Variants in ANKRD26 observed in about 807,000 individuals in gnomAD.
The protein encoded by ANKRD26 is ankyrin repeat domain 26.
A neutral mutation model predicts 208.7 loss-of-function variants in ANKRD26; 141 were observed. The observed-to-expected ratio is 0.68, with a 90% CI of 0.59 to 0.78. ANKRD26 has a LOEUF of 0.78. ANKRD26 is among the 30% of genes least tolerant of loss of function. ANKRD26 has a pLI of 0.00. For missense variants in ANKRD26, 1,889 were observed against 1,938.7 expected (o/e 0.97, Z 0.48); for synonymous variants, 636 against 660.4 (o/e 0.96, Z 0.57).
intron 25 of ANKRD26, among the ~76,000 whole-genome samples, chr10:27,032,927 T>C (rs988827738): frequency 6.6e-6 from 1 of 151,248 alleles, no homozygotes; most frequent in African/African-American, 2.4e-5. Context: ...CACAAAAAAT[T>C]AGCCAGGTGT....
chr10:26,995,333 C>T (rs2052567353), intron 4 of ANKRD26, among the ~76,000 whole-genome samples: 1 of 152,170 alleles, frequency 6.6e-6, no homozygotes, highest in Non-Finnish European at 1.5e-5. Flanking sequence ...CTTCAACAGA[C>T]TTGTATAGAA....
Position 27,066,479 on chromosome 10 carries a change from G to C in ANKRD26, c.1269+8C>G, listed in dbSNP as rs1189903524. On this transcript the variant is annotated splice_region_variant and intron_variant, in intron 11 of 33. Coordinates refer to ENST00000376087, the MANE Select transcript of ANKRD26 (RefSeq NM_014915.3). ...TTTTAAAATAATAGTAACAACCATA[G>C]AAAGTACCTCAGAATCCCAAGGTGA... is the stretch of plus-strand genomic sequence containing the variant. 3 of 1,522,874 alleles carry C rather than the reference G, an allele frequency of 2.0e-6. No homozygotes were observed. In the Admixed American group the frequency reaches 5.3e-5, roughly 27 times the overall value. The allele number at this position is 1,522,874 out of a possible 1,614,324, so 94.3% of individuals were successfully genotyped here. A position where few individuals can be genotyped will look rare whatever the true frequency, so the allele number is the denominator to read the frequency against.
At chr10:27,083,768 G>C (rs982797201) in intron 5 of ANKRD26, among the ~76,000 whole-genome samples, 7 of 152,136 alleles carry the variant, frequency 4.6e-5, no homozygotes, top group Non-Finnish European at 1.0e-4. Flanking sequence ...GTATATAAGA[G>C]GCCAGCAAAC....
intron 32 of ANKRD26, among the ~76,000 whole-genome samples, chr10:27,010,489 T>G (rs2053060587): frequency 6.6e-6 from 1 of 152,154 alleles, no homozygotes. Flanking sequence ...TACAGAAGGT[T>G]TTTTGTTATT....
In ANKRD26 at chr10:27,035,762, A is replaced by G. The variant is rs750944209; in HGVS notation, c.2698-10T>C. 2 of 1,586,300 alleles carry G rather than the reference A, an allele frequency of 1.3e-6. No individual in the cohort carries two copies. Among genetic ancestry groups the G allele is most frequent in the East Asian group, 4.5e-5 (2 of 44,640 alleles). ...CATGACTATGAGAATTCTAAGTAAA[A>G]CAAAGGAAACTTTGAGCTAGCACCC... On this transcript the variant is annotated splice_polypyrimidine_tract_variant and intron_variant, in intron 23 of 33. Coordinates refer to ENST00000376087, the MANE Select transcript of ANKRD26 (RefSeq NM_014915.3).
At chr10:27,025,058 C>A (rs938560581) in intron 27 of ANKRD26, among the ~76,000 whole-genome samples, 9 of 152,114 alleles carry the variant, frequency 5.9e-5, no homozygotes, top group Non-Finnish European at 1.2e-4. Context: ...TTCTATTAAC[C>A]ATTTCTCTTT....
At chr10:27,040,211 T>A (rs1307802572) in intron 20 of ANKRD26, 33 bp from the exon 21 acceptor site, 1 of 1,504,440 alleles carries the variant, frequency 6.6e-7, no homozygotes, top group African/African-American at 1.4e-5. Context: ...TAGAAATATA[T>A]GAGCATTTTT....
At chr10:27,078,693 A>G (rs1032098523) in intron 7 of ANKRD26, among the ~76,000 whole-genome samples, 1 of 152,180 alleles carries the variant, frequency 6.6e-6, no homozygotes, top group African/African-American at 2.4e-5. Flanking sequence ...GAAAGCTGTA[A>G]CATTCTTACT....
intron 28 of ANKRD26, 130 bp from the exon 29 acceptor site, chr10:27,022,817 T>C: frequency 1.2e-6 from 1 of 863,002 alleles, no homozygotes; most frequent in Non-Finnish European, 1.7e-6. Flanking sequence ...TATTTCAATC[T>C]GACATAGTTT....
chr10:27,096,609 C>G (rs887626054), intron 1 of ANKRD26, among the ~76,000 whole-genome samples: 2 of 150,540 alleles, frequency 1.3e-5, no homozygotes, highest in African/African-American at 4.9e-5. Flanking sequence ...ACTAAAAATA[C>G]AAAAAAAATA....
chr10:27,096,145 T>C lies in ANKRD26; in HGVS notation c.243-2346A>G, dbSNP rs116462666. Among the ~76,000 whole-genome samples, 585 of 152,292 alleles carry C rather than the reference T, an allele frequency of 3.8e-3. 4 individuals are homozygous for C. The highest frequency in any genetic ancestry group is 0.013 in the African/African-American group (542 of 41,550). On this transcript the variant is annotated intron_variant, in intron 1 of 33. Transcript: ENST00000376087. Reference sequence around the variant, plus strand: ...TCAGGCTTGATTTCCTGGGGATGAGTTAAATACCTGCTTCCAGAAGTGCAG... The same window carrying C: ...TCAGGCTTGATTTCCTGGGGATGAGCTAAATACCTGCTTCCAGAAGTGCAG...
chr10:26,953,577 G>C, the ANKRD26 span, among the ~76,000 whole-genome samples: 1 of 152,074 alleles, frequency 6.6e-6, no homozygotes, highest in East Asian at 1.9e-4. Context: ...TGGGAGAAAA[G>C]GTTCAAACAT....
chr10:27,080,100 T>C (rs2055850254), intron 6 of ANKRD26: 1 of 382,954 alleles, frequency 2.6e-6, no homozygotes, highest in Non-Finnish European at 5.2e-6. Flanking sequence ...GAGATTGCAG[T>C]GAGCTGAGAT....
intron 9 of ANKRD26, among the ~76,000 whole-genome samples, chr10:27,070,820 C>T (rs1303930728): frequency 6.6e-6 from 1 of 152,104 alleles, no homozygotes; most frequent in African/African-American, 2.4e-5. Flanking sequence ...CACGTGCCAC[C>T]ACGCCCGGCT....
intron 16 of ANKRD26, chr10:27,052,000 C>CA (rs2054678972): frequency 2.0e-6 from 2 of 985,216 alleles, no homozygotes; most frequent in Non-Finnish European, 2.4e-6. Context: ...CCTGAATATA[C>CA]AGATACATCC....
intron 12 of ANKRD26, chr10:27,062,344 C>T (rs540697950): frequency 1.1e-4 from 59 of 533,738 alleles, no homozygotes; most frequent in African/African-American, 1.0e-3. Flanking sequence ...TGTCCAATGA[C>T]GCTTCTTTCA....
rs1313122062 is a variant in ANKRD26 at position 27,024,435 on chromosome 10, T to C, written c.4085+12A>G. On this transcript the variant is annotated intron_variant, in intron 28 of 33. Coordinates refer to ENST00000376087, the MANE Select transcript of ANKRD26 (RefSeq NM_014915.3). ...TGAATGGTTAAAATGATCTGAAATA[T>C]TAAAATCTTACCCAGTTATCTCTCT... 1 of 1,364,684 alleles carries C rather than the reference T, an allele frequency of 7.3e-7. No homozygotes were observed. Among genetic ancestry groups the C allele is most frequent in the African/African-American group, 1.4e-5 (1 of 69,732 alleles). The allele number at this position is 1,364,684 out of a possible 1,614,324, so 84.5% of individuals were successfully genotyped here. A position where few individuals can be genotyped will look rare whatever the true frequency, so the allele number is the denominator to read the frequency against.
chr10:27,061,718 C>A (rs2055064845), intron 12 of ANKRD26, among the ~76,000 whole-genome samples: 1 of 151,900 alleles, frequency 6.6e-6, no homozygotes. Context: ...GGCCCATGCA[C>A]CACCACGCCT....
chr10:27,076,664 C>T (rs969094241), intron 9 of ANKRD26, among the ~76,000 whole-genome samples: 2 of 151,930 alleles, frequency 1.3e-5, no homozygotes, highest in Non-Finnish European at 2.9e-5. Context: ...AATGTGGAGA[C>T]AGTATAACTG....
Sources: gnomAD v4.1 joint callset for allele counts (sites outside exome capture counted in the v4.1 genomes callset) on GRCh38, gnomAD v4.1.1 for gene constraint, MANE v1.5 for transcripts, NCBI Gene and HGNC (gene_info 2026-07-23, HGNC 2026-07-21) for gene names.